Variants in SLC5A9 observed in about 807,000 individuals in gnomAD.
SLC5A9 encodes solute carrier family 5 member 9.
Under a neutral mutation model 70.9 loss-of-function variants are expected in SLC5A9, and 59 were observed. That is an observed-to-expected ratio of 0.83 (90% CI 0.68 to 1.03). SLC5A9 has a LOEUF of 1.03. Ranked by LOEUF, SLC5A9 falls within the 50% of genes least tolerant of loss-of-function variation. The pLI is 0.00. For missense variants in SLC5A9, 832 were observed against 881.1 expected (o/e 0.94, Z 0.71); for synonymous variants, 340 against 346.5 (o/e 0.98, Z 0.21).
In SLC5A9 at chr1:48,222,911, T is replaced by C; in HGVS notation, c.162+13T>C. ...TGTGGGGATCTGGGTAAGTGGGCCC[T>C]GAGGCTGGGGCTAGCAGGGGAGGTA... is the stretch of plus-strand genomic sequence containing the variant. On this transcript the variant is annotated intron_variant, in intron 1 of 13. Coordinates refer to ENST00000438567, the MANE Select transcript of SLC5A9 (RefSeq NM_001011547.3). 6.2e-7 allele frequency: 1 copy of C among 1,613,550 alleles called. No individual in the cohort carries two copies. Among genetic ancestry groups the C allele is most frequent in the Admixed American group, 1.7e-5 (1 of 59,976 alleles).
intron 12 of SLC5A9, 121 bp from the exon 13 acceptor site, chr1:48,242,336 C>G: frequency 8.2e-7 from 1 of 1,217,098 alleles, no homozygotes; most frequent in Non-Finnish European, 1.1e-6. Context: ...ACTCCCAGCC[C>G]TGGCCTTGTT....
intron 11 of SLC5A9, 68 bp downstream of exon 11, chr1:48,237,915 G>A: frequency 6.6e-7 from 1 of 1,526,546 alleles, no homozygotes; most frequent in Non-Finnish European, 8.9e-7. Flanking sequence ...CAATCACCTG[G>A]TCTCTGTGAC....
chr1:48,241,276 C>A (rs1644387574), intron 12 of SLC5A9: 1 of 152,392 alleles, frequency 6.6e-6, no homozygotes, highest in Non-Finnish European at 1.5e-5. Flanking sequence ...CAAAATCCAA[C>A]TGTACCCTGG....
chr1:48,228,839 G>T lies in SLC5A9; in HGVS notation c.235-11G>T, dbSNP rs376494572. 1 of 1,613,590 alleles carries T rather than the reference G, an allele frequency of 6.2e-7. No homozygotes were observed. The highest frequency in any genetic ancestry group is 8.5e-7 in the Non-Finnish European group (1 of 1,179,850). ...CTGACTCCTGACCCTTGACCCAACT[G>T]TGCCTTGCAGATTGGAGCATCTCTG... is the stretch of plus-strand genomic sequence containing the variant. On this transcript the variant is annotated splice_polypyrimidine_tract_variant and intron_variant, in intron 2 of 13. Transcript: ENST00000438567.
intron 12 of SLC5A9, among the ~76,000 whole-genome samples, chr1:48,240,881 T>C (rs1381224099): frequency 6.6e-6 from 1 of 152,240 alleles, no homozygotes; most frequent in Non-Finnish European, 1.5e-5. Context: ...CTGAAATCGC[T>C]CTCACTGAAG....
chr1:48,246,007 A>G (rs1439991222), intron 13 of SLC5A9, among the ~76,000 whole-genome samples: 1 of 151,500 alleles, frequency 6.6e-6, no homozygotes, highest in Non-Finnish European at 1.5e-5. Context: ...AATATGAAAA[A>G]TATTTAAAGG....
In SLC5A9 at chr1:48,239,441, C is replaced by A; in HGVS notation, c.1581C>A (p.Asp527Glu). ...EVDRRPAVLK[D>E]FHYLYFAILL... The stretch of plus-strand genomic sequence containing the variant: ...ACCGGAGGCCAGCAGTGCTGAAGGA[C>A]TTCCACTACCTGTACTTTGCAATCC... Residue 527 changes from aspartate (D) to glutamate (E), a missense_variant, in exon 12 of 14, where the codon GAC becomes GAA. Transcript: ENST00000438567. This position sits in a 1 kb window ranked among gnomAD's most constrained non-coding sequence, Gnocchi z 4.2. The A allele has an allele frequency of 6.2e-7, 1 of 1,614,200 alleles. No homozygotes were observed. The highest frequency in any genetic ancestry group is 8.5e-7 in the Non-Finnish European group (1 of 1,180,030).
rs745443918 is a variant in SLC5A9 at position 48,239,475 on chromosome 1, G to A, written c.1615G>A (p.Gly539Arg). The A allele has an allele frequency of 6.8e-6, 11 of 1,614,144 alleles. No individual in the cohort carries two copies. The highest frequency in any genetic ancestry group is 1.6e-4 in the Middle Eastern group (1 of 6,062). ...HYLYFAILLCGLTAIVIVIVS... is the reference protein window; with the variant it reads ...HYLYFAILLCRLTAIVIVIVS... ...CCTGTACTTTGCAATCCTCCTCTGC[G>A]GGCTCACTGCCATCGTCATTGTCAT... The change falls in exon 12 of 14, where the codon GGG (glycine) becomes AGG (arginine). Residue 539 changes from glycine (G) to arginine (R), a missense_variant. Physicochemically the swap from Gly to Arg is moderately radical, Grantham distance 125 (BLOSUM62 -2). Transcript: ENST00000438567. This position sits in a 1 kb window ranked among gnomAD's most constrained non-coding sequence, Gnocchi z 4.2.
chr1:48,235,866 A>G lies in SLC5A9; in HGVS notation c.1279A>G (p.Met427Val), dbSNP rs772475145. 10 of 1,614,108 alleles carry G rather than the reference A, an allele frequency of 6.2e-6. No individual in the cohort carries two copies. Among genetic ancestry groups the G allele is most frequent in the Non-Finnish European group, 7.6e-6 (9 of 1,180,000 alleles). ...CAGGAAGTCAACAGAGCAGGAGCTG[A>G]TGGTGGTGGGCAGGTGCGCCGGCCC... Reference protein sequence around the residue: ...FRRKSTEQELMVVGRVFVVFL... With the variant: ...FRRKSTEQELVVVGRVFVVFL... Residue 427 changes from methionine (M) to valine (V), a missense_variant, in exon 10 of 14, where the codon ATG becomes GTG. Transcript: ENST00000438567.
chr1:48,232,793 G>T (rs1028981299), intron 8 of SLC5A9, among the ~76,000 whole-genome samples: 9 of 139,980 alleles, frequency 6.4e-5, no homozygotes, highest in African/African-American at 2.0e-4. Flanking sequence ...CTATTGAAAA[G>T]AAAGAAAAGT....
At position 48,239,239 on chromosome 1, in the gene SLC5A9, G is replaced by C. The variant is rs1044877707; in HGVS notation, c.1462-83G>C. ...AACATGGCAATAAACCAGTGGGAGA[G>C]AGATTTGGGGAGAGAGTAGTTTTAC... is the stretch of plus-strand genomic sequence containing the variant. On this transcript the variant is annotated intron_variant, in intron 11 of 13. Coordinates refer to ENST00000438567, the MANE Select transcript of SLC5A9 (RefSeq NM_001011547.3). The surrounding 1 kb of genome is among the most constrained non-coding windows in gnomAD (Gnocchi z 4.2). The C allele has an allele frequency of 4.1e-6, 4 of 986,876 alleles. No individual in the cohort carries two copies. The highest frequency in any genetic ancestry group is 6.1e-6 in the Non-Finnish European group (4 of 651,720). 61.1% of individuals were successfully genotyped at this position (986,876 alleles called of 1,614,324 possible). A position where few individuals can be genotyped will look rare whatever the true frequency, so the allele number is the denominator to read the frequency against.
At chr1:48,244,872 G>GTGTATATATATATA (rs1553132185) in intron 13 of SLC5A9, among the ~76,000 whole-genome samples, 3 of 9,306 alleles carry the variant, frequency 3.2e-4, no homozygotes, top group African/African-American at 6.4e-4. Context: ...GTATGTATGT[G>GTGTATATATATATA]TATGTGTATA....
At position 48,237,905 on chromosome 1, in the gene SLC5A9, C is replaced by G. The variant is rs898229585; in HGVS notation, c.1461+58C>G. 10 of 1,557,038 alleles carry G rather than the reference C, an allele frequency of 6.4e-6. No homozygotes were observed. In the African/African-American group the frequency reaches 1.2e-4, roughly 19 times the overall value. ...CAGAGGGGCTGGAGACCTGGTCTGT[C>G]AATCACCTGGTCTCTGTGACCTTGA... is the stretch of plus-strand genomic sequence containing the variant. On this transcript the variant is annotated intron_variant, in intron 11 of 13. Transcript: ENST00000438567.
At chr1:48,226,819 G>A (rs1415362814) in intron 2 of SLC5A9, among the ~76,000 whole-genome samples, 2 of 152,184 alleles carry the variant, frequency 1.3e-5, no homozygotes, top group Non-Finnish European at 2.9e-5. Context: ...GTGCCTCACT[G>A]CTCCAAGAAC....
In SLC5A9 at chr1:48,239,105, A is replaced by C. The variant is rs570272887; in HGVS notation, c.1462-217A>C. 1.1e-3 allele frequency among the ~76,000 whole-genome samples: 175 copies of C among 152,342 alleles called. No individual in the cohort carries two copies. The highest frequency in any genetic ancestry group is 4.0e-3 in the Admixed American group (61 of 15,308). On this transcript the variant is annotated intron_variant, in intron 11 of 13. Transcript: ENST00000438567. The surrounding 1 kb of genome is among the most constrained non-coding windows in gnomAD (Gnocchi z 4.2). Reference sequence around the variant, plus strand: ...AGTTCACAATGGAGCCAGGATTCAAATCTTAGTCTACCTGACTCTAGAGCC... The same window carrying C: ...AGTTCACAATGGAGCCAGGATTCAACTCTTAGTCTACCTGACTCTAGAGCC...
intron 10 of SLC5A9, 40 bp from the exon 11 acceptor site, chr1:48,237,639 C>A: frequency 1.2e-6 from 2 of 1,602,156 alleles, no homozygotes; most frequent in Non-Finnish European, 1.7e-6. Flanking sequence ...ACACCATGCC[C>A]ACCCGAGTGT....
At chr1:48,240,702 A>C (rs1000013850) in intron 12 of SLC5A9, among the ~76,000 whole-genome samples, 1 of 152,020 alleles carries the variant, frequency 6.6e-6, no homozygotes, top group African/African-American at 2.4e-5. Flanking sequence ...AGTCTTCCCC[A>C]GTTGAAAATC....
chr1:48,222,745 G>A lies in SLC5A9; in HGVS notation c.9G>A (p.Lys3=), dbSNP rs1644088850. MS[K]ELAAMGPGAS... ...TTGACCAACACTAACAGATGAGCAA[G>A]GAGCTGGCAGCAATGGGGCCTGGAG... Residue 3 remains lysine, a synonymous_variant, in exon 1 of 14, where the codon AAG becomes AAA. Transcript: ENST00000438567. 7.4e-6 allele frequency: 12 copies of A among 1,614,052 alleles called. No homozygotes were observed. Among genetic ancestry groups the A allele is most frequent in the Non-Finnish European group, 8.5e-6 (10 of 1,180,038 alleles).
chr1:48,247,745 C>G lies in SLC5A9; in HGVS notation c.*202C>G. 3 of 606,278 alleles carry G rather than the reference C, an allele frequency of 4.9e-6. No homozygotes were observed. The South Asian group carries it at 6.0e-5, about 12-fold the overall frequency. The allele number at this position is 606,278 out of a possible 1,614,324, so 37.6% of individuals were successfully genotyped here. A position where few individuals can be genotyped will look rare whatever the true frequency, so the allele number is the denominator to read the frequency against. The stretch of plus-strand genomic sequence containing the variant: ...GCCCAGAGAGAGCACTGGGTTTGTT[C>G]AGGACCACCCAGAAGGTGTCACACG... On this transcript the variant is annotated 3_prime_UTR_variant, in exon 14 of 14. Transcript: ENST00000438567.
Sources: allele counts gnomAD v4.1 joint callset (sites outside exome capture counted in the v4.1 genomes callset), GRCh38; gene constraint gnomAD v4.1.1; non-coding constraint Gnocchi (gnomAD v3.1); transcripts MANE v1.5; gene names NCBI Gene and HGNC (gene_info 2026-07-23, HGNC 2026-07-21).